Variants in HTR4 observed in about 807,000 individuals in gnomAD.
HTR4 encodes 5-hydroxytryptamine (serotonin) receptor 4, G protein-coupled.
In HTR4, 16 loss-of-function variants were observed where a neutral mutation model predicts 36.8. The ratio of observed to expected loss-of-function variants is 0.43; its 90% CI spans 0.29 to 0.66. The LOEUF (loss-of-function observed/expected upper bound fraction) is 0.66. HTR4 is among the 30% of genes least tolerant of loss of function. HTR4 has a pLI of 0.13. For synonymous variants in HTR4, 189 were observed against 185.1 expected (o/e 1.02, Z -0.17); for missense variants, 438 against 490.9 (o/e 0.89, Z 1.02).
intron 6 of HTR4, among the ~76,000 whole-genome samples, chr5:148,485,537 C>A (rs1032017615): frequency 1.3e-5 from 2 of 152,170 alleles, no homozygotes; most frequent in African/African-American, 2.4e-5. Flanking sequence ...GAGAAACCTG[C>A]AGTGTGATGT....
At chr5:148,575,104 C>T (rs1760841468) in intron 2 of HTR4, among the ~76,000 whole-genome samples, 2 of 152,050 alleles carry the variant, frequency 1.3e-5, no homozygotes, top group Non-Finnish European at 2.9e-5. Context: ...TTTTTACTTT[C>T]TGCCTGCCTT....
chr5:148,495,592 G>A (rs900175163), intron 6 of HTR4, among the ~76,000 whole-genome samples: 2 of 152,126 alleles, frequency 1.3e-5, no homozygotes, highest in Admixed American at 1.3e-4. Context: ...AATGGACAAA[G>A]AACCCCATTA....
In HTR4 at chr5:148,483,124, C is replaced by G. The variant is rs1755968876; in HGVS notation, c.*79G>C. 1.3e-6 allele frequency: 2 copies of G among 1,599,628 alleles called. No homozygotes were observed. Among genetic ancestry groups the G allele is most frequent in the Non-Finnish European group, 1.7e-6 (2 of 1,171,830 alleles). ...CCTCAGGTGAAGAGAATACCGGGTGCAGTCGCGCACAAGCAGCAGCTTAGG... is the reference window on the plus strand; with the variant it reads ...CCTCAGGTGAAGAGAATACCGGGTGGAGTCGCGCACAAGCAGCAGCTTAGG... On this transcript the variant is annotated 3_prime_UTR_variant, in exon 7 of 7. Transcript: ENST00000377888.
At chr5:148,457,833 A>ATG in intron 5 of HTR4, among the ~76,000 whole-genome samples, 1 of 133,370 alleles carries the variant, frequency 7.5e-6, no homozygotes, top group Middle Eastern at 3.7e-3. Flanking sequence ...TAAAATATAT[A>ATG]TTTTGTTATA....
chr5:148,575,957 GACA>G (rs1485715394), intron 2 of HTR4, among the ~76,000 whole-genome samples: 1 of 151,372 alleles, frequency 6.6e-6, no homozygotes. Flanking sequence ...TCTATTTGTA[GACA>G]ACATGATTCT....
chr5:148,575,217 T>C (rs1375598266), intron 2 of HTR4, among the ~76,000 whole-genome samples: 8 of 152,038 alleles, frequency 5.3e-5, no homozygotes, highest in Admixed American at 5.2e-4. Flanking sequence ...CATCCCCTGA[T>C]CAATTACAAG....
chr5:148,494,530 T>C (rs529451591), intron 6 of HTR4, among the ~76,000 whole-genome samples: 2 of 152,256 alleles, frequency 1.3e-5, no homozygotes, highest in Non-Finnish European at 2.9e-5. Context: ...ATTGATTTCA[T>C]ATAGAAATCT....
chr5:148,557,545 C>T (rs1760010750), intron 2 of HTR4, among the ~76,000 whole-genome samples: 1 of 151,828 alleles, frequency 6.6e-6, no homozygotes, highest in Admixed American at 6.6e-5. Flanking sequence ...ATTGCCAGCA[C>T]TTCTATGGGA....
At chr5:148,452,901 G>A (rs1390835490) in intron 5 of HTR4, among the ~76,000 whole-genome samples, 1 of 152,228 alleles carries the variant, frequency 6.6e-6, no homozygotes, top group Non-Finnish European at 1.5e-5. Flanking sequence ...AGGGAAGCTA[G>A]AGTCCCAGCT....
chr5:148,634,338 A>G (rs1753449209), intron 2 of HTR4, among the ~76,000 whole-genome samples: 1 of 152,182 alleles, frequency 6.6e-6, no homozygotes, highest in African/African-American at 2.4e-5. Context: ...CATCTCAGCA[A>G]TGTATACATA....
At chr5:148,483,604 C>T (rs1755996411) in intron 6 of HTR4, among the ~76,000 whole-genome samples, 2 of 152,198 alleles carry the variant, frequency 1.3e-5, no homozygotes, top group African/African-American at 2.4e-5. Context: ...GTTTTCTCTA[C>T]TCCAAGCTAC....
rs1340175928 is a variant in HTR4, at chr5:148,579,995, AGG to A, written c.27-29735_27-29734del. Among the ~76,000 whole-genome samples, 857 of 152,152 alleles carry A rather than the reference AGG, an allele frequency of 5.6e-3. 7 individuals are homozygous for A. Among genetic ancestry groups the A allele is most frequent in the African/African-American group, 0.019 (782 of 41,534 alleles). ...GCCAAATTCCTTTACATCAGTACCT[AGG>A]TGAGTGTTTTATTGAATACCAAGGA... On this transcript the variant is annotated intron_variant, in intron 2 of 6. Coordinates refer to ENST00000377888, the MANE Select transcript of HTR4 (RefSeq NM_000870.7).
chr5:148,472,184 AT>A (rs1223402186), downstream of HTR4, among the ~76,000 whole-genome samples: 2 of 152,154 alleles, frequency 1.3e-5, no homozygotes, highest in Admixed American at 1.3e-4. Flanking sequence ...AGTCTCTTCC[AT>A]TTTATCTTCA....
chr5:148,483,115 T>C lies in HTR4; in HGVS notation c.*88A>G, dbSNP rs1012033203. On this transcript the variant is annotated 3_prime_UTR_variant, in exon 7 of 7. Transcript: ENST00000377888. ...GACGGAAAGCCTCAGGTGAAGAGAA[T>C]ACCGGGTGCAGTCGCGCACAAGCAG... The C allele has an allele frequency of 6.3e-7, 1 of 1,589,700 alleles. No homozygotes were observed. The highest frequency in any genetic ancestry group is 1.3e-5 in the African/African-American group (1 of 74,376).
At chr5:148,479,375 C>T (rs1755803705), downstream of HTR4, among the ~76,000 whole-genome samples, 1 of 151,980 alleles carries the variant, frequency 6.6e-6, no homozygotes, top group Admixed American at 6.6e-5. Flanking sequence ...AGAAGCTCCA[C>T]AAGACTGAGG....
intron 2 of HTR4, among the ~76,000 whole-genome samples, chr5:148,567,030 A>C (rs886649862): frequency 1.3e-5 from 2 of 151,988 alleles, no homozygotes; most frequent in Non-Finnish European, 2.9e-5. Flanking sequence ...AATTATATGA[A>C]ATCCGCACGT....
chr5:148,558,586 G>A (rs990659938), intron 2 of HTR4, among the ~76,000 whole-genome samples: 2 of 152,098 alleles, frequency 1.3e-5, no homozygotes, highest in African/African-American at 2.4e-5. Context: ...CTGTAGGATC[G>A]AACAGCCTAA....
intron 4 of HTR4, among the ~76,000 whole-genome samples, chr5:148,530,108 G>A (rs993318125): frequency 1.3e-5 from 2 of 152,170 alleles, no homozygotes; most frequent in African/African-American, 2.4e-5. Flanking sequence ...AAGGAAAGCA[G>A]AGCATAAAAG....
At chr5:148,462,315 A>G (rs574028650) in intron 5 of HTR4, among the ~76,000 whole-genome samples, 35 of 152,156 alleles carry the variant, frequency 2.3e-4, no homozygotes, top group African/African-American at 6.7e-4. Context: ...AATTATTAAC[A>G]TAAGAAATGA....
Sources: gnomAD v4.1 joint callset for allele counts (sites outside exome capture counted in the v4.1 genomes callset) on GRCh38, gnomAD v4.1.1 for gene constraint, MANE v1.5 for transcripts, NCBI Gene and HGNC (gene_info 2026-07-23, HGNC 2026-07-21) for gene names.